PLEKHG1: variants seen among roughly 807,000 people sequenced by gnomAD.
PLEKHG1 encodes pleckstrin homology and RhoGEF domain containing G1, also known as pleckstrin homology domain-containing family G member 1.
In PLEKHG1, 44 loss-of-function variants were observed where a neutral mutation model predicts 100.8. The ratio of observed to expected loss-of-function variants is 0.44; its 90% CI spans 0.34 to 0.56. The LOEUF (loss-of-function observed/expected upper bound fraction) is 0.56. Ranked by LOEUF, PLEKHG1 falls within the 20% of genes least tolerant of loss-of-function variation. The pLI is 0.01. For synonymous variants in PLEKHG1, 640 were observed against 662.5 expected, an observed-to-expected ratio of 0.97 and a Z score of 0.52; for missense variants, 1,545 against 1,720.9, an observed-to-expected ratio of 0.90 and a Z score of 1.81.
intron 3 of PLEKHG1, among the ~76,000 whole-genome samples, chr6:150,682,018 A>C (rs1779952856): frequency 6.6e-6 from 1 of 152,136 alleles, no homozygotes; most frequent in Non-Finnish European, 1.5e-5. Context: ...TGCTTTACCT[A>C]CAGTTGACTC....
chr6:150,676,363 A>G (rs1402842764), intron 3 of PLEKHG1, among the ~76,000 whole-genome samples: 1 of 152,248 alleles, frequency 6.6e-6, no homozygotes, highest in East Asian at 1.9e-4. Flanking sequence ...ACTCAAATAC[A>G]TTTTAAAATG....
At chr6:150,696,731 A>C (rs1780559142) in intron 3 of PLEKHG1, among the ~76,000 whole-genome samples, 1 of 152,198 alleles carries the variant, frequency 6.6e-6, no homozygotes, top group African/African-American at 2.4e-5. Flanking sequence ...TGAGAGGGAA[A>C]ATGTCTCAAG....
At position 150,840,592 on chromosome 6, in the gene PLEKHG1, C is replaced by A; in HGVS notation, c.3854C>A (p.Ser1285Ter). The A allele has an allele frequency of 1.2e-6, 2 of 1,614,142 alleles. No homozygotes were observed. Among genetic ancestry groups the A allele is most frequent in the South Asian group, 1.1e-5 (1 of 91,070 alleles). ...GAAGATGACTATGTGGAAATCAAGT[C>A]AGAAGAAGATGAGTCGGAGTTGGAG... Residue 1285 changes from serine to a stop codon, truncating the protein, a stop_gained, in exon 16 of 16, where the codon TCA (serine) becomes TAA (stop). Transcript: ENST00000358517. LOFTEE classifies it low-confidence loss of function (END_TRUNC).
chr6:150,692,441 G>A (rs767043028), intron 3 of PLEKHG1, among the ~76,000 whole-genome samples: 46 of 152,168 alleles, frequency 3.0e-4, no homozygotes, highest in Admixed American at 7.2e-4. Context: ...ATATGATCAT[G>A]GGCTGATGAT....
chr6:150,827,785 A>T, intron 14 of PLEKHG1: 1 of 1,439,086 alleles, frequency 6.9e-7, no homozygotes, highest in Non-Finnish European at 9.8e-7. Context: ...CGCATCCTCC[A>T]GCAGTCAGTG....
At position 150,683,536 on chromosome 6, in the gene PLEKHG1, A is replaced by T. The variant is rs1428309034; in HGVS notation, c.-99+32750A>T. On this transcript the variant is annotated intron_variant, in intron 3 of 3. Transcript: ENST00000367326. This position sits in a 1 kb window ranked among gnomAD's most constrained non-coding sequence, Gnocchi z 4.0. ...TGGAAGGGTGGCGCTGACCTCCCAG[A>T]CAGGACATTACCCTTCTTCCTCTTC... 1 of 238,640 alleles carries T rather than the reference A, an allele frequency of 4.2e-6. No individual in the cohort carries two copies. The highest frequency in any genetic ancestry group is 2.3e-5 in the African/African-American group (1 of 43,766). The allele number at this position is 238,640 out of a possible 1,614,324, so 14.8% of individuals were successfully genotyped here. A position where few individuals can be genotyped will look rare whatever the true frequency, so the allele number is the denominator to read the frequency against.
At chr6:150,717,460 A>G (rs1336014745), upstream of PLEKHG1, among the ~76,000 whole-genome samples, 1 of 152,150 alleles carries the variant, frequency 6.6e-6, no homozygotes, top group African/African-American at 2.4e-5. Flanking sequence ...AATTACAGAC[A>G]TGACCCACCA....
intron 7 of PLEKHG1, among the ~76,000 whole-genome samples, chr6:150,806,247 T>G (rs926571292): frequency 7.5e-6 from 1 of 134,142 alleles, no homozygotes; most frequent in African/African-American, 3.1e-5. Context: ...TTTTTTTTTT[T>G]GCAACAGCAA....
At chr6:150,629,858 A>T in intron 1 of PLEKHG1, among the ~76,000 whole-genome samples, 1 of 152,238 alleles carries the variant, frequency 6.6e-6, no homozygotes, top group Non-Finnish European at 1.5e-5. Flanking sequence ...ATAATTAGTT[A>T]TCTTTGAACT....
Position 150,802,808 on chromosome 6 carries a change from G to A in PLEKHG1, c.781-1802G>A, listed in dbSNP as rs113031363. Among the ~76,000 whole-genome samples the A allele has an allele frequency of 4.6e-3, 694 of 151,822 alleles. 7 individuals carry two copies. Among genetic ancestry groups the A allele is most frequent in the African/African-American group, 0.016 (657 of 41,382 alleles). On this transcript the variant is annotated intron_variant, in intron 6 of 15. Transcript: ENST00000358517. The stretch of plus-strand genomic sequence containing the variant: ...CCCGAGTAGCTGGGACTACAGGCGC[G>A]CACCACCATGCCTGGCTAATTTTTT...
At chr6:150,754,258 G>A (rs917020538) in intron 2 of PLEKHG1, among the ~76,000 whole-genome samples, 8 of 152,148 alleles carry the variant, frequency 5.3e-5, no homozygotes, top group African/African-American at 1.7e-4. Flanking sequence ...GCAGGGAACA[G>A]GGACATTCCT....
At chr6:150,792,877 T>A (rs1317198922) in intron 4 of PLEKHG1, among the ~76,000 whole-genome samples, 2 of 152,146 alleles carry the variant, frequency 1.3e-5, no homozygotes, top group Non-Finnish European at 2.9e-5. Flanking sequence ...CTGGGACATC[T>A]TGTCACACCA....
At chr6:150,605,430 T>G (rs1170335665) in intron 1 of PLEKHG1, 1 of 152,228 alleles carries the variant, frequency 6.6e-6, no homozygotes, top group Non-Finnish European at 1.5e-5. Flanking sequence ...TTTCAATTAT[T>G]AGGAATAAAT....
intron 3 of PLEKHG1, among the ~76,000 whole-genome samples, chr6:150,680,299 G>T (rs1018403239): frequency 6.6e-6 from 1 of 152,232 alleles, no homozygotes; most frequent in Non-Finnish European, 1.5e-5. Context: ...ATTTGAATAT[G>T]TGGAGTGATG....
chr6:150,773,101 A>G (rs1388620869), intron 3 of PLEKHG1, among the ~76,000 whole-genome samples: 1 of 152,138 alleles, frequency 6.6e-6, no homozygotes, highest in Non-Finnish European at 1.5e-5. Context: ...CAGGTCATAA[A>G]TATACTCTAT....
chr6:150,608,767 C>G (rs1293767432), intron 1 of PLEKHG1, among the ~76,000 whole-genome samples: 4 of 152,104 alleles, frequency 2.6e-5, no homozygotes, highest in African/African-American at 9.7e-5. Flanking sequence ...TTTCTAAGAT[C>G]TGAATACTCA....
In PLEKHG1 at chr6:150,635,637, G is replaced by GTT. The variant is rs1235276936; in HGVS notation, c.-203-2442_-203-2441insTT. Among the ~76,000 whole-genome samples, 30 of 152,282 alleles carry GTT rather than the reference G, an allele frequency of 2.0e-4. 1 individual carries two copies. Among genetic ancestry groups the GTT allele is most frequent in the African/African-American group, 6.7e-4 (28 of 41,546 alleles). On this transcript the variant is annotated intron_variant, in intron 1 of 3. Coordinates refer to the PLEKHG1 transcript ENST00000367326. ...ATCACATGCATTTCCAGTGAGCTGTGTATGTGGCATTTTTTGGTTTTCTTA... is the reference window on the plus strand; with the variant it reads ...ATCACATGCATTTCCAGTGAGCTGTGTTTATGTGGCATTTTTTGGTTTTCTTA...
At chr6:150,809,201 A>G in exon 8 of PLEKHG1, 1 of 1,613,300 alleles carries the variant, frequency 6.2e-7, no homozygotes. Context: ...GCGAGCCAAG[A>G]ATGAGCGGAC....
intron 1 of PLEKHG1, among the ~76,000 whole-genome samples, chr6:150,612,551 T>G (rs1010669404): frequency 6.6e-6 from 1 of 152,182 alleles, no homozygotes; most frequent in African/African-American, 2.4e-5. Context: ...CAGGCTGGTC[T>G]CAAACTCCTG....
Sources: gnomAD v4.1 joint callset for allele counts (sites outside exome capture counted in the v4.1 genomes callset) on GRCh38, gnomAD v4.1.1 for gene constraint, Gnocchi (gnomAD v3.1) non-coding constraint, MANE v1.5 for transcripts, NCBI Gene and HGNC (gene_info 2026-07-23, HGNC 2026-07-21) for gene names.